Variants in OVCH1 observed in about 807,000 individuals in gnomAD.
OVCH1 encodes the protein ovochymase 1.
In OVCH1, 139 loss-of-function variants were observed where a neutral mutation model predicts 138.4. The observed-to-expected ratio is 1.00, with a 90% CI of 0.87 to 1.16. The LOEUF is 1.16. Among genes scored for constraint, OVCH1 ranks in the 50% most tolerant of loss-of-function variants. OVCH1 has a pLI of 0.00. For synonymous variants in OVCH1, 453 were observed against 467.8 expected, an observed-to-expected ratio of 0.97 and a Z score of 0.41; for missense variants, 1,367 against 1,357.9, an observed-to-expected ratio of 1.01 and a Z score of -0.11.
downstream of OVCH1, among the ~76,000 whole-genome samples, chr12:29,425,726 G>A (rs1439709133): frequency 2.6e-5 from 4 of 152,284 alleles, no homozygotes; most frequent in South Asian, 4.1e-4. Flanking sequence ...TCATGAGATT[G>A]GGTCTTAGCT....
intron 5 of OVCH1, among the ~76,000 whole-genome samples, 184 bp from the exon 6 acceptor site, chr12:29,489,955 T>A (rs964584119): frequency 1.3e-5 from 2 of 152,242 alleles, no homozygotes; most frequent in Non-Finnish European, 2.9e-5. Context: ...TTTTGAAAAT[T>A]CAGCAGATTT....
At chr12:29,478,741 G>T in intron 9 of OVCH1, 94 bp downstream of exon 10, 2 of 836,216 alleles carry the variant, frequency 2.4e-6, no homozygotes, top group South Asian at 3.1e-5. Flanking sequence ...TCCATAGGCA[G>T]AGCAGCCAGA....
downstream of OVCH1, among the ~76,000 whole-genome samples, chr12:29,410,903 T>C (rs1940946043): frequency 6.6e-6 from 1 of 151,968 alleles, no homozygotes; most frequent in Admixed American, 6.6e-5. Context: ...TCCTGCAGAG[T>C]GTTTTCCATC....
intron 4 of OVCH1, 120 bp from the exon 5 acceptor site, chr12:29,491,312 AT>A: frequency 1.2e-6 from 1 of 853,838 alleles, no homozygotes; most frequent in Non-Finnish European, 1.8e-6. Flanking sequence ...TAATGGTGAC[AT>A]ATTTTAAGTT....
downstream of OVCH1, among the ~76,000 whole-genome samples, chr12:29,426,355 A>G (rs185987539): frequency 5.3e-5 from 8 of 152,296 alleles, no homozygotes; most frequent in Admixed American, 6.5e-5. Context: ...GTTTTAAATG[A>G]TAGATAATAT....
chr12:29,458,355 A>G (rs1942022564), intron 19 of OVCH1, among the ~76,000 whole-genome samples: 1 of 151,540 alleles, frequency 6.6e-6, no homozygotes, highest in Non-Finnish European at 1.5e-5. Flanking sequence ...CATTGAACTC[A>G]TTTTTGACAA....
At chr12:29,416,492 T>C (rs754778187) in intron 3 of OVCH1, among the ~76,000 whole-genome samples, 3 of 152,098 alleles carry the variant, frequency 2.0e-5, no homozygotes, top group Non-Finnish European at 4.4e-5. Context: ...GAAAATAGGC[T>C]AAAGATATGA....
chr12:29,425,030 T>C (rs1295266952), downstream of OVCH1, among the ~76,000 whole-genome samples: 4 of 152,106 alleles, frequency 2.6e-5, no homozygotes, highest in Non-Finnish European at 4.4e-5. Flanking sequence ...AATTAGATGG[T>C]GGCTAGGGGG....
At chr12:29,486,539 G>A (rs1463029929) in intron 7 of OVCH1, among the ~76,000 whole-genome samples, 191 bp from the exon 8 acceptor site, 2 of 152,158 alleles carry the variant, frequency 1.3e-5, no homozygotes, top group Non-Finnish European at 2.9e-5. Context: ...GTGGAAGCAG[G>A]AATTGATTTG....
chr12:29,455,487 A>C, intron 19 of OVCH1, 82 bp from the exon 20 acceptor site: 1 of 1,402,492 alleles, frequency 7.1e-7, no homozygotes, highest in Non-Finnish European at 9.6e-7. Flanking sequence ...AGAATGACCA[A>C]TAATGTATTT....
chr12:29,461,092 G>A (rs915534048), intron 19 of OVCH1, among the ~76,000 whole-genome samples: 4 of 152,076 alleles, frequency 2.6e-5, no homozygotes, highest in Admixed American at 6.5e-5. Flanking sequence ...AACTATCAAA[G>A]AGCTGCAGAA....
chr12:29,496,716 T>C, intron 1 of OVCH1, 42 bp from the exon 2 acceptor site: 1 of 1,437,956 alleles, frequency 7.0e-7, no homozygotes. Flanking sequence ...CAGAGCCTTA[T>C]GTAAGAGTTC....
chr12:29,442,374 A>G (rs1453858923), intron 25 of OVCH1, among the ~76,000 whole-genome samples: 1 of 131,562 alleles, frequency 7.6e-6, no homozygotes, highest in Middle Eastern at 3.2e-3. Flanking sequence ...TCTCAAGAAC[A>G]AAAAACCAAA....
intron 25 of OVCH1, 62 bp from the exon 26 acceptor site, chr12:29,440,806 G>T: frequency 2.2e-6 from 1 of 450,280 alleles, no homozygotes; most frequent in Non-Finnish European, 4.5e-6. Context: ...TAAATCTGAA[G>T]AATAAAAAAG....
chr12:29,491,338 T>C lies in OVCH1; in HGVS notation c.455-146A>G. ...TATTTTAAGTTTTGGCCCCTCCATA[T>C]AAAACCGTTTTGTATTTATAGAAAT... On this transcript the variant is annotated intron_variant, in intron 4 of 27. Transcript: ENST00000318184. 4.5e-6 allele frequency: 3 copies of C among 663,186 alleles called. No homozygotes were observed. In the South Asian group the frequency reaches 6.2e-5, roughly 14 times the overall value. 41.1% of individuals were successfully genotyped at this position (663,186 alleles called of 1,614,324 possible). A position where few individuals can be genotyped will look rare whatever the true frequency, so the allele number is the denominator to read the frequency against.
At chr12:29,468,641 G>A (rs751856570) in intron 16 of OVCH1, among the ~76,000 whole-genome samples, 18 of 152,184 alleles carry the variant, frequency 1.2e-4, no homozygotes, top group East Asian at 7.7e-4. Context: ...TCCATGGTAC[G>A]TTCAATGCAC....
At chr12:29,470,671 A>G (rs909967971) in intron 16 of OVCH1, among the ~76,000 whole-genome samples, 5 of 152,160 alleles carry the variant, frequency 3.3e-5, no homozygotes, top group Non-Finnish European at 7.3e-5. Flanking sequence ...TAGTGCTGCA[A>G]TAAACATATG....
At chr12:29,433,040 A>G (rs1019286348) in intron 27 of OVCH1, among the ~76,000 whole-genome samples, 7 of 152,182 alleles carry the variant, frequency 4.6e-5, no homozygotes, top group African/African-American at 1.7e-4. Context: ...AATAACTTCC[A>G]TGGAGTCTTG....
intron 14 of OVCH1, among the ~76,000 whole-genome samples, chr12:29,474,132 C>T (rs1565597665): frequency 6.6e-6 from 1 of 151,346 alleles, no homozygotes. Flanking sequence ...TCTAAGAGAA[C>T]CCTGACTAAT....
Sources: gnomAD v4.1 joint callset for allele counts (sites outside exome capture counted in the v4.1 genomes callset) on GRCh38, gnomAD v4.1.1 for gene constraint, MANE v1.5 for transcripts, NCBI Gene and HGNC (gene_info 2026-07-23, HGNC 2026-07-21) for gene names.